CDYL: variants seen among roughly 807,000 people sequenced by gnomAD.
CDYL encodes chromodomain Y like.
A neutral mutation model predicts 47.3 loss-of-function variants in CDYL; 8 were observed. That is an observed-to-expected ratio of 0.17 (90% CI 0.10 to 0.31). The LOEUF is 0.31. CDYL is among the 10% of genes least tolerant of loss of function. CDYL has a pLI of 1.00. For synonymous variants in CDYL, 266 were observed against 265.0 expected, an observed-to-expected ratio of 1.00 and a Z score of -0.04; for missense variants, 471 against 701.4, an observed-to-expected ratio of 0.67 and a Z score of 3.71.
chr6:4,929,604 T>G (rs1757978895), intron 2 of CDYL, among the ~76,000 whole-genome samples: 1 of 151,688 alleles, frequency 6.6e-6, no homozygotes, highest in Admixed American at 6.6e-5. Context: ...GGCACTCAGG[T>G]TCATCGTTTT....
In CDYL at chr6:4,943,769, T is replaced by TAAAAA; in HGVS notation, c.1332+13_1332+14insAAAAA. The stretch of plus-strand genomic sequence containing the variant: ...GGGAGGAGCATCTGTGAGTACCTTT[T>TAAAAA]TAAAAAAAAAAAAAAAAAGTCATTC... On this transcript the variant is annotated intron_variant, in intron 5 of 6. Transcript: ENST00000397588. 3 of 1,210,562 alleles carry TAAAAA rather than the reference T, an allele frequency of 2.5e-6. No individual in the cohort carries two copies. Among genetic ancestry groups the TAAAAA allele is most frequent in the Non-Finnish European group, 3.3e-6 (3 of 896,274 alleles). The allele number at this position is 1,210,562 out of a possible 1,614,324, so 75.0% of individuals were successfully genotyped here.
At chr6:4,823,393 A>T in intron 1 of CDYL, among the ~76,000 whole-genome samples, 1 of 152,204 alleles carries the variant, frequency 6.6e-6, no homozygotes, top group Non-Finnish European at 1.5e-5. Flanking sequence ...ATGGATACAC[A>T]TGGAAAGTCA....
intron 4 of CDYL, among the ~76,000 whole-genome samples, chr6:4,940,048 T>C (rs1050183963): frequency 1.3e-5 from 2 of 152,186 alleles, no homozygotes; most frequent in South Asian, 2.1e-4. Flanking sequence ...GGCTGTGGGC[T>C]TGTGGCGCTG....
At chr6:4,939,671 G>C (rs187454747) in intron 4 of CDYL, among the ~76,000 whole-genome samples, 1 of 152,230 alleles carries the variant, frequency 6.6e-6, no homozygotes, top group Admixed American at 6.5e-5. Context: ...TTGTTCTTCA[G>C]TTTAAGATTA....
intron 1 of CDYL, among the ~76,000 whole-genome samples, chr6:4,819,144 CTCTCTCTCTCTCTCTCTCTGTGTG>C (rs1195537949): frequency 2.1e-5 from 3 of 141,312 alleles, no homozygotes; most frequent in African/African-American, 5.8e-5. Flanking sequence ...CTCTCTCTCT[CTCTCTCTCTCTCTCTCTCTGTGTG>C]TGTGTGTGTG....
chr6:4,861,905 G>A (rs1761180623), intron 1 of CDYL, among the ~76,000 whole-genome samples: 1 of 152,192 alleles, frequency 6.6e-6, no homozygotes, highest in African/African-American at 2.4e-5. Flanking sequence ...AAAGACCCAT[G>A]ACCATCTCCT....
intron 3 of CDYL, among the ~76,000 whole-genome samples, chr6:4,740,630 ATCT>A (rs2127416879): frequency 6.6e-6 from 1 of 152,238 alleles, no homozygotes; most frequent in Admixed American, 6.5e-5. Context: ...GTGAAGCCAC[ATCT>A]TCTTTCTAAT....
intron 1 of CDYL, among the ~76,000 whole-genome samples, chr6:4,882,764 T>C (rs960307582): frequency 4.3e-4 from 66 of 152,202 alleles, no homozygotes; most frequent in African/African-American, 1.5e-3. Context: ...AAGATTACCC[T>C]GACATAGACA....
chr6:4,713,995 T>A (rs114466253), intron 1 of CDYL: 1 of 152,188 alleles, frequency 6.6e-6, no homozygotes, highest in East Asian at 1.9e-4. Flanking sequence ...ACAGCTAACA[T>A]TGAGAGGATG....
chr6:4,918,075 T>C (rs1289779722), intron 2 of CDYL, among the ~76,000 whole-genome samples: 1 of 152,214 alleles, frequency 6.6e-6, no homozygotes, highest in African/African-American at 2.4e-5. Flanking sequence ...AATTAGATTG[T>C]AATTGATCAG....
intron 1 of CDYL, among the ~76,000 whole-genome samples, chr6:4,852,563 TCTTCCTTCCTTC>T (rs754081131): frequency 9.3e-6 from 1 of 107,952 alleles, no homozygotes; most frequent in African/African-American, 4.4e-5. Context: ...TTCCTTCCAA[TCTTCCTTCCTTC>T]CTTCCAATCT....
intron 1 of CDYL, among the ~76,000 whole-genome samples, chr6:4,789,745 T>C (rs1189427307): frequency 6.6e-6 from 1 of 152,198 alleles, no homozygotes; most frequent in East Asian, 1.9e-4. Flanking sequence ...CCTATCTGGC[T>C]CTTTCCCACC....
chr6:4,792,648 C>G (rs1349331619), intron 1 of CDYL, among the ~76,000 whole-genome samples: 2 of 151,988 alleles, frequency 1.3e-5, no homozygotes, highest in Non-Finnish European at 2.9e-5. Flanking sequence ...GTTGGCCAGG[C>G]TGGTCTGGAA....
intron 1 of CDYL, among the ~76,000 whole-genome samples, chr6:4,852,971 G>A (rs563698117): frequency 1.6e-4 from 25 of 152,118 alleles, no homozygotes; most frequent in African/African-American, 5.3e-4. Flanking sequence ...TTAATTCTTT[G>A]TAGAGAAGAA....
At position 4,954,079 on chromosome 6, in the gene CDYL, C is replaced by T. The variant is rs1758795563; in HGVS notation, c.*23C>T. 6.2e-7 allele frequency: 1 copy of T among 1,607,592 alleles called. No homozygotes were observed. The highest frequency in any genetic ancestry group is 1.3e-5 in the African/African-American group (1 of 74,848). On this transcript the variant is annotated 3_prime_UTR_variant, in exon 7 of 7. Transcript: ENST00000397588. ...TGAGTGTCGGGCTGCCCACTGGTGA[C>T]ACCGGGATCGGGCTGAGCAGGAGAA...
chr6:4,944,490 G>A (rs144111208), intron 5 of CDYL, among the ~76,000 whole-genome samples: 9 of 152,318 alleles, frequency 5.9e-5, no homozygotes, highest in Non-Finnish European at 1.0e-4. Flanking sequence ...CCCTAAAGGC[G>A]CCCTGTGGCC....
intron 1 of CDYL, among the ~76,000 whole-genome samples, chr6:4,845,081 C>A (rs888875796): frequency 5.9e-5 from 9 of 152,134 alleles, no homozygotes; most frequent in African/African-American, 2.2e-4. Context: ...AATTATTGTA[C>A]ATTGCTCTAT....
At chr6:4,831,376 A>T (rs1354976785) in intron 1 of CDYL, among the ~76,000 whole-genome samples, 1 of 152,170 alleles carries the variant, frequency 6.6e-6, no homozygotes, top group East Asian at 1.9e-4. Flanking sequence ...TTTGTCAAAG[A>T]TCAGATAGTT....
At chr6:4,751,805 T>C (rs1757998228) in intron 3 of CDYL, among the ~76,000 whole-genome samples, 1 of 152,256 alleles carries the variant, frequency 6.6e-6, no homozygotes, top group Non-Finnish European at 1.5e-5. Flanking sequence ...ATGCAAACTA[T>C]TCAAGGAAAT....
Sources: gnomAD v4.1 joint callset for allele counts (sites outside exome capture counted in the v4.1 genomes callset) on GRCh38, gnomAD v4.1.1 for gene constraint, MANE v1.5 for transcripts, NCBI Gene and HGNC (gene_info 2026-07-23, HGNC 2026-07-21) for gene names.